Variants in ARHGAP8 observed in about 807,000 individuals in gnomAD.
ARHGAP8 encodes the protein Rho GTPase activating protein 8, also known as rho GTPase-activating protein 8.
ARHGAP8 carries 62 observed loss-of-function variants against 46.1 expected under a neutral mutation model. The observed-to-expected ratio is 1.34, with a 90% CI of 1.10 to 1.66. The LOEUF is 1.66. ARHGAP8 is among the 40% of genes most tolerant of loss of function. ARHGAP8 has a pLI of 0.00. For missense variants in ARHGAP8, 923 were observed against 568.4 expected (o/e 1.62, Z -6.34); for synonymous variants, 375 against 243.1 (o/e 1.54, Z -5.05).
chr22:44,787,933 TTTTTTTTCCC>T (rs1180639214), intron 2 of ARHGAP8, among the ~76,000 whole-genome samples: 1 of 136,490 alleles, frequency 7.3e-6, no homozygotes, highest in Non-Finnish European at 1.6e-5. Flanking sequence ...TTTTTTTTTT[TTTTTTTTCCC>T]CCCAAATGTC....
At chr22:44,799,823 G>A (rs763069) in intron 2 of ARHGAP8, among the ~76,000 whole-genome samples, 2 of 135,722 alleles carry the variant, frequency 1.5e-5, no homozygotes, top group Non-Finnish European at 3.2e-5. Context: ...TCCAGGGGGT[G>A]GGGGGTGGGT....
chr22:44,785,039 A>T (rs1207055437), intron 1 of ARHGAP8, among the ~76,000 whole-genome samples: 3 of 152,100 alleles, frequency 2.0e-5, no homozygotes, highest in African/African-American at 7.2e-5. Context: ...GTAGACCGGG[A>T]CTGAGTGGGC....
chr22:44,836,948 G>A (rs952847552), intron 7 of ARHGAP8, among the ~76,000 whole-genome samples: 9 of 152,074 alleles, frequency 5.9e-5, no homozygotes, highest in South Asian at 4.2e-4. Context: ...GCACGATCTC[G>A]ATCTCGTCTC....
chr22:44,767,345 TC>T (rs1925651802), intron 1 of ARHGAP8, among the ~76,000 whole-genome samples: 1 of 152,180 alleles, frequency 6.6e-6, no homozygotes, highest in Non-Finnish European at 1.5e-5. Context: ...CCCCTCTCTC[TC>T]TCTCTTTTAG....
intron 10 of ARHGAP8, among the ~76,000 whole-genome samples, chr22:44,851,908 G>A (rs989833012): frequency 2.0e-5 from 3 of 151,736 alleles, no homozygotes; most frequent in Non-Finnish European, 2.9e-5. Context: ...TAAAGAAAAT[G>A]GGCCGGGTGC....
At chr22:44,762,976 C>G (rs1285052215) in intron 1 of ARHGAP8, among the ~76,000 whole-genome samples, 1 of 152,178 alleles carries the variant, frequency 6.6e-6, no homozygotes, top group East Asian at 1.9e-4. Context: ...CTATCAGTCC[C>G]TCACAACCTT....
At chr22:44,821,574 C>T (rs1298402665) in intron 5 of ARHGAP8, among the ~76,000 whole-genome samples, 3 of 152,216 alleles carry the variant, frequency 2.0e-5, no homozygotes, top group Non-Finnish European at 4.4e-5. Context: ...CTTATAAAGG[C>T]GTGCTCGCAT....
rs373959466 is a variant in ARHGAP8, at chr22:44,798,725, C to T, written c.80-3352C>T. On this transcript the variant is annotated intron_variant, in intron 2 of 11. Transcript: ENST00000356099. ...CTTGTCCAGGGCAGCCCCCACCGTGCGTGACTGCTGGACACCTGAAATGTG... is the reference window on the plus strand; with the variant it reads ...CTTGTCCAGGGCAGCCCCCACCGTGTGTGACTGCTGGACACCTGAAATGTG... Among the ~76,000 whole-genome samples, 7 of 152,030 alleles carry T rather than the reference C, an allele frequency of 4.6e-5. 1 individual carries two copies. The highest frequency in any genetic ancestry group is 2.6e-4 in the Admixed American group (4 of 15,266).
rs568289734 is a variant in ARHGAP8 at position 44,862,645 on chromosome 22, C to T, written c.*50C>T. ...GAGCTACCTCCCACACCTGTCTGTG[C>T]ACTTGTATGTTTTGTAAACTTGGCA... On this transcript the variant is annotated 3_prime_UTR_variant, in exon 12 of 12. Coordinates refer to ENST00000356099, the MANE Select transcript of ARHGAP8 (RefSeq NM_181335.3). 1.5e-5 allele frequency: 22 copies of T among 1,508,750 alleles called. No individual in the cohort carries two copies. The South Asian group carries it at 1.6e-4, about 11-fold the overall frequency. The allele number at this position is 1,508,750 out of a possible 1,614,324, so 93.5% of individuals were successfully genotyped here. A position where few individuals can be genotyped will look rare whatever the true frequency, so the allele number is the denominator to read the frequency against.
chr22:44,759,717 G>A (rs1490107359), intron 1 of ARHGAP8, among the ~76,000 whole-genome samples: 1 of 152,196 alleles, frequency 6.6e-6, no homozygotes, highest in Non-Finnish European at 1.5e-5. Flanking sequence ...AAGGGAGATG[G>A]TCAGGGAGAT....
intron 2 of ARHGAP8, among the ~76,000 whole-genome samples, chr22:44,790,542 G>GGCGT (rs1396663395): frequency 6.6e-6 from 1 of 151,622 alleles, no homozygotes; most frequent in Non-Finnish European, 1.5e-5. Flanking sequence ...CAGGTGTGGT[G>GGCGT]GCACATATCT....
intron 4 of ARHGAP8, among the ~76,000 whole-genome samples, chr22:44,814,037 G>A (rs5766053): frequency 0.34 from 51,655 of 151,946 alleles, 9,203 homozygotes; most frequent in East Asian, 0.52. Context: ...TCACCCTCTA[G>A]AGCCCTGGCA....
At chr22:44,814,549 T>A (rs1415315909) in intron 4 of ARHGAP8, 123 bp from the exon 5 acceptor site, 1 of 789,144 alleles carries the variant, frequency 1.3e-6, no homozygotes, top group Non-Finnish European at 2.0e-6. Context: ...GTCCTTAAAT[T>A]GATCCTGTTG....
chr22:44,854,197 G>C (rs2070165906), intron 10 of ARHGAP8, among the ~76,000 whole-genome samples: 1 of 151,054 alleles, frequency 6.6e-6, no homozygotes, highest in South Asian at 2.1e-4. Flanking sequence ...ACATAACACT[G>C]AATAAGGCTA....
intron 1 of ARHGAP8, among the ~76,000 whole-genome samples, chr22:44,785,664 G>T (rs1156431621): frequency 1.3e-5 from 2 of 152,230 alleles, no homozygotes; most frequent in East Asian, 3.9e-4. Flanking sequence ...CTACACCTGG[G>T]ATCCTACATC....
chr22:44,841,215 C>G lies in ARHGAP8; in HGVS notation c.597-4054C>G, dbSNP rs1368294344. Among the ~76,000 whole-genome samples, 3 of 141,088 alleles carry G rather than the reference C, an allele frequency of 2.1e-5. No homozygotes were observed. The East Asian group carries it at 6.5e-4, about 30-fold the overall frequency. 92.6% of individuals were successfully genotyped at this position (141,088 alleles called of 152,430 possible). A position where few individuals can be genotyped will look rare whatever the true frequency, so the allele number is the denominator to read the frequency against. On this transcript the variant is annotated intron_variant, in intron 7 of 11. Coordinates refer to ENST00000356099, the MANE Select transcript of ARHGAP8 (RefSeq NM_181335.3). The stretch of plus-strand genomic sequence containing the variant: ...TCAGGTACGCGTCATGGCCAAGAAT[C>G]TGAGTAAAGTTTCCATGTATTTTTT...
chr22:44,801,579 C>T (rs545487898), intron 2 of ARHGAP8, among the ~76,000 whole-genome samples: 16 of 152,352 alleles, frequency 1.1e-4, no homozygotes, highest in Admixed American at 4.6e-4. Flanking sequence ...TGACCCGGGC[C>T]ATAATGGACG....
chr22:44,769,566 T>TA (rs779193701), intron 1 of ARHGAP8, among the ~76,000 whole-genome samples: 3 of 152,236 alleles, frequency 2.0e-5, no homozygotes, highest in Non-Finnish European at 4.4e-5. Flanking sequence ...TCGTTAACAA[T>TA]ATTGTGTCTT....
chr22:44,825,543 ACCGCCGCGGCCC>A lies in ARHGAP8; in HGVS notation c.551_562del (p.Pro184_Pro187del). The A allele has an allele frequency of 2.5e-6, 4 of 1,612,942 alleles. No individual in the cohort carries two copies. Among genetic ancestry groups the A allele is most frequent in the Non-Finnish European group, 3.4e-6 (4 of 1,179,700 alleles). On this transcript the variant is annotated inframe_deletion, in exon 7 of 12. Coordinates refer to ENST00000356099, the MANE Select transcript of ARHGAP8 (RefSeq NM_181335.3). ...GGACGCCGCCTCCCACCAAGACACCACCGCCGCGGCCCCCGCTGCCCACACAGCAGTTTGGCG... is the reference window on the plus strand; with the variant it reads ...GGACGCCGCCTCCCACCAAGACACCACCGCTGCCCACACAGCAGTTTGGCG...
Sources: allele counts gnomAD v4.1 joint callset (sites outside exome capture counted in the v4.1 genomes callset), GRCh38; gene constraint gnomAD v4.1.1; transcripts MANE v1.5; gene names NCBI Gene and HGNC (gene_info 2026-07-23, HGNC 2026-07-21).